The following FREM2 variants were observed in gnomAD, a reference collection of about 807,000 sequenced individuals.
FREM2 encodes FRAS1-related extracellular matrix protein 2.
In FREM2, 119 loss-of-function variants were observed where a neutral mutation model predicts 219.9. That is an observed-to-expected ratio of 0.54 (90% CI 0.47 to 0.63). The LOEUF is 0.63. FREM2 is among the 30% of genes least tolerant of loss of function. The probability of loss-of-function intolerance (pLI) is 0.00; values close to 1 mark genes in which losing one functional copy is unlikely to be tolerated. For missense variants in FREM2, 4,030 were observed against 3,993.6 expected, an observed-to-expected ratio of 1.01 and a Z score of -0.25; for synonymous variants, 1,562 against 1,522.8, an observed-to-expected ratio of 1.03 and a Z score of -0.60.
chr13:38,765,984 C>G (rs185689539), intron 3 of FREM2, among the ~76,000 whole-genome samples: 2 of 152,242 alleles, frequency 1.3e-5, no homozygotes, highest in African/African-American at 4.8e-5. Flanking sequence ...GGGAGTGATT[C>G]GTCTTAACTC....
chr13:38,712,563 C>T (rs1870817811), intron 2 of FREM2, among the ~76,000 whole-genome samples: 1 of 151,912 alleles, frequency 6.6e-6, no homozygotes. Flanking sequence ...CTATCAGTTG[C>T]CCTAAGGCAG....
rs145673360 is a variant in FREM2, at chr13:38,689,182, G to A, written c.1838G>A (p.Arg613His). 21 of 1,613,960 alleles carry A rather than the reference G, an allele frequency of 1.3e-5. No individual in the cohort carries two copies. The highest frequency in any genetic ancestry group is 2.7e-5 in the African/African-American group (2 of 75,016). ...TTAACTACGGGGCATCTGCTTCTCC[G>A]CCAAACTCACCCTCCCCATGAGAAG... ...PFLTTGHLLL[R>H]QTHPPHEKQE... Residue 613 changes from arginine (R) to histidine (H), a missense_variant, in exon 1 of 24, where the codon CGC (arginine) becomes CAC (histidine). Arg to His is a conservative substitution (Grantham distance 29). Transcript: ENST00000280481.
intron 2 of FREM2, among the ~76,000 whole-genome samples, chr13:38,720,340 T>C (rs568427753): frequency 6.6e-6 from 1 of 152,330 alleles, no homozygotes; most frequent in Non-Finnish European, 1.5e-5. Flanking sequence ...CTACAGAGAC[T>C]GACACTAAAT....
intron 2 of FREM2, among the ~76,000 whole-genome samples, chr13:38,760,466 A>C (rs953168268): frequency 2.0e-5 from 3 of 152,178 alleles, no homozygotes; most frequent in African/African-American, 4.8e-5. Context: ...ACCATCCACA[A>C]AGGAAGTGGA....
intron 6 of FREM2, among the ~76,000 whole-genome samples, chr13:38,795,610 C>G (rs972820069): frequency 3.9e-5 from 6 of 152,090 alleles, no homozygotes; most frequent in African/African-American, 1.4e-4. Context: ...TCCTCTCTTT[C>G]AGCTACTTTG....
intron 6 of FREM2, among the ~76,000 whole-genome samples, chr13:38,813,487 T>C (rs1875583173): frequency 1.5e-4 from 2 of 13,498 alleles, no homozygotes; most frequent in Non-Finnish European, 2.8e-4. Flanking sequence ...TCTCTCTCTC[T>C]CTCTCTCTCT....
intron 5 of FREM2, among the ~76,000 whole-genome samples, chr13:38,783,804 C>G (rs1874216119): frequency 6.6e-6 from 1 of 152,040 alleles, no homozygotes; most frequent in South Asian, 2.1e-4. Flanking sequence ...TGATTAAAAG[C>G]CGACTTCAGA....
At chr13:38,768,335 A>G (rs992734112) in intron 3 of FREM2, among the ~76,000 whole-genome samples, 1 of 152,150 alleles carries the variant, frequency 6.6e-6, no homozygotes, top group Non-Finnish European at 1.5e-5. Flanking sequence ...GCTGGAGCAC[A>G]GTGGCATAAT....
chr13:38,754,712 T>A (rs952446098), intron 2 of FREM2, among the ~76,000 whole-genome samples: 2 of 152,162 alleles, frequency 1.3e-5, no homozygotes, highest in African/African-American at 4.8e-5. Flanking sequence ...TCGCCAAGGC[T>A]GAGCTGAATT....
Position 38,846,708 on chromosome 13 carries a change from C to A in FREM2, c.6155C>A (p.Pro2052His). Residue 2052 changes from proline (P) to histidine (H), a missense_variant, in exon 7 of 24, where the codon CCT becomes CAT. Transcript: ENST00000280481. ...ACAGTGAGGTCTCGGAAAACAGATC[C>A]TCCCTCTGCAGATGGTGAGCAGTTT... ...SVTVRSRKTD[P>H]PSADAGTDYV... 1 of 1,613,728 alleles carries A rather than the reference C, an allele frequency of 6.2e-7. No individual in the cohort carries two copies. Among genetic ancestry groups the A allele is most frequent in the Non-Finnish European group, 8.5e-7 (1 of 1,179,738 alleles).
At position 38,871,007 on chromosome 13, in the gene FREM2, C is replaced by A. The variant is rs114551396; in HGVS notation, c.7984-1735C>A. On this transcript the variant is annotated intron_variant, in intron 16 of 23. Transcript: ENST00000280481. ...TAAGGACTAGTGGCATATGGGTTGA[C>A]TTAGTCACCGTCCATTTCCCTGCAC... is the stretch of plus-strand genomic sequence containing the variant. Among the ~76,000 whole-genome samples the A allele has an allele frequency of 6.4e-3, 975 of 152,212 alleles. 14 individuals are homozygous for A. The highest frequency in any genetic ancestry group is 0.022 in the African/African-American group (929 of 41,530).
chr13:38,816,227 T>C (rs778141746), intron 6 of FREM2, among the ~76,000 whole-genome samples: 4 of 152,160 alleles, frequency 2.6e-5, no homozygotes, highest in African/African-American at 9.7e-5. Flanking sequence ...TCCAAAGTTA[T>C]CTTACGAGGC....
intron 6 of FREM2, among the ~76,000 whole-genome samples, chr13:38,826,429 C>G (rs983026641): frequency 6.6e-6 from 1 of 152,044 alleles, no homozygotes; most frequent in African/African-American, 2.4e-5. Flanking sequence ...AATGCAATAG[C>G]GTTGACTGCT....
At position 38,886,020 on chromosome 13, in the gene FREM2, G is replaced by C. The variant is rs1018011991; in HGVS notation, c.*5233G>C. 1.3e-5 allele frequency: 2 copies of C among 152,122 alleles called. No individual in the cohort carries two copies. Among genetic ancestry groups the C allele is most frequent in the Non-Finnish European group, 2.9e-5 (2 of 68,024 alleles). The allele number at this position is 152,122 out of a possible 1,614,324, so 9.4% of individuals were successfully genotyped here. A position where few individuals can be genotyped will look rare whatever the true frequency, so the allele number is the denominator to read the frequency against. On this transcript the variant is annotated 3_prime_UTR_variant, in exon 24 of 24. Coordinates refer to ENST00000280481, the MANE Select transcript of FREM2 (RefSeq NM_207361.6). ...CAAATGTTGCCTACACTGATTACAT[G>C]ATTGTCACAGTTTAAGTGAATTTCT...
rs745963596 is a variant in FREM2 at position 38,689,142 on chromosome 13, C to A, written c.1798C>A (p.Leu600Met). The A allele has an allele frequency of 1.2e-6, 2 of 1,613,792 alleles. No homozygotes were observed. The highest frequency in any genetic ancestry group is 3.3e-5 in the Admixed American group (2 of 60,014). Residue 600 changes from leucine (L) to methionine (M), a missense_variant, in exon 1 of 24, where the codon CTG (leucine) becomes ATG (methionine). Leu to Met is a conservative substitution (Grantham distance 15). Transcript: ENST00000280481. ...DSDDSLLLFV[L>M]ESPFLTTGHL... ...AGATGATTCTCTGCTGCTTTTTGTG[C>A]TGGAGTCACCCTTCTTAACTACGGG...
At chr13:38,786,715 T>G (rs1198144325) in intron 6 of FREM2, among the ~76,000 whole-genome samples, 1 of 152,190 alleles carries the variant, frequency 6.6e-6, no homozygotes, top group Non-Finnish European at 1.5e-5. Flanking sequence ...TGGATTGCTA[T>G]GGGATGCACA....
At position 38,769,679 on chromosome 13, in the gene FREM2, C is replaced by T. The variant is rs1262646411; in HGVS notation, c.5512C>T (p.Arg1838Ter). 3 of 1,613,972 alleles carry T rather than the reference C, an allele frequency of 1.9e-6. No homozygotes were observed. Among genetic ancestry groups the T allele is most frequent in the African/African-American group, 1.3e-5 (1 of 74,920 alleles). Residue 1838 changes from arginine to a stop codon, truncating the protein, a stop_gained, in exon 4 of 24, where the codon CGA becomes TGA. Coordinates refer to ENST00000280481, the MANE Select transcript of FREM2 (RefSeq NM_207361.6). LOFTEE classifies it high-confidence loss of function. ...FNPGQTRATW[R>*]VRILSDGEHE... ...CCCAGGCCAGACCAGGGCCACATGGCGAGTGCGGATCCTGAGTGATGGGGA... is the reference window on the plus strand; with the variant it reads ...CCCAGGCCAGACCAGGGCCACATGGTGAGTGCGGATCCTGAGTGATGGGGA...
intron 1 of FREM2, among the ~76,000 whole-genome samples, chr13:38,696,986 G>T (rs1870136332): frequency 6.6e-6 from 1 of 151,884 alleles, no homozygotes; most frequent in Non-Finnish European, 1.5e-5. Flanking sequence ...TTTTAATAGA[G>T]ACAGGGTTTC....
chr13:38,700,966 C>T (rs1870320934), intron 2 of FREM2, among the ~76,000 whole-genome samples: 2 of 151,930 alleles, frequency 1.3e-5, no homozygotes, highest in Non-Finnish European at 2.9e-5. Flanking sequence ...AGTACTCTTT[C>T]TTGGTATCAT....
Sources: allele counts gnomAD v4.1 joint callset (sites outside exome capture counted in the v4.1 genomes callset), GRCh38; gene constraint gnomAD v4.1.1; transcripts MANE v1.5; gene names NCBI Gene and HGNC (gene_info 2026-07-23, HGNC 2026-07-21).